PDZRN4: variants seen among roughly 807,000 people sequenced by gnomAD.
PDZRN4 encodes PDZ domain-containing RING finger protein 4.
PDZRN4 carries 70 observed loss-of-function variants against 99.0 expected under a neutral mutation model. The observed-to-expected ratio is 0.71, with a 90% CI of 0.58 to 0.86. The LOEUF is 0.86. Ranked by LOEUF, PDZRN4 falls within the 40% of genes least tolerant of loss-of-function variation. The probability of loss-of-function intolerance (pLI) is 0.00; values close to 1 mark genes in which losing one functional copy is unlikely to be tolerated. For missense variants in PDZRN4, 1,474 were observed against 1,331.2 expected (o/e 1.11, Z -1.67); for synonymous variants, 551 against 501.6 (o/e 1.10, Z -1.32).
At chr12:41,564,245 C>T (rs1252898273) in intron 8 of PDZRN4, among the ~76,000 whole-genome samples, 3 of 152,118 alleles carry the variant, frequency 2.0e-5, no homozygotes, top group African/African-American at 7.2e-5. Context: ...TGAATTGTTT[C>T]CAAGTTTAGT....
At chr12:41,507,199 G>A (rs922553736) in intron 4 of PDZRN4, among the ~76,000 whole-genome samples, 4 of 152,024 alleles carry the variant, frequency 2.6e-5, no homozygotes, top group African/African-American at 7.2e-5. Context: ...ATTCTCTGAC[G>A]AAAGCACTTA....
chr12:41,536,205 TA>T (rs1938745979), intron 5 of PDZRN4, among the ~76,000 whole-genome samples: 1 of 152,216 alleles, frequency 6.6e-6, no homozygotes, highest in Non-Finnish European at 1.5e-5. Flanking sequence ...AGTAGGTGAA[TA>T]GATAAATGCA....
At chr12:41,419,759 G>C in intron 3 of PDZRN4, among the ~76,000 whole-genome samples, 1 of 152,128 alleles carries the variant, frequency 6.6e-6, no homozygotes, top group Non-Finnish European at 1.5e-5. Context: ...AGTCTATATC[G>C]GTTCAAATTG....
intron 3 of PDZRN4, among the ~76,000 whole-genome samples, chr12:41,214,072 G>T (rs1950904796): frequency 6.6e-6 from 1 of 151,786 alleles, no homozygotes; most frequent in African/African-American, 2.4e-5. Flanking sequence ...ACTGCAGCTT[G>T]ATCAGAGACG....
At chr12:41,334,180 G>A (rs948695633) in intron 3 of PDZRN4, among the ~76,000 whole-genome samples, 5 of 151,992 alleles carry the variant, frequency 3.3e-5, no homozygotes, top group Admixed American at 1.3e-4. Flanking sequence ...CTATAACAAG[G>A]TCTTTGCTGG....
chr12:41,549,571 T>C (rs1939018195), intron 5 of PDZRN4, among the ~76,000 whole-genome samples: 1 of 152,156 alleles, frequency 6.6e-6, no homozygotes, highest in Non-Finnish European at 1.5e-5. Flanking sequence ...GTTTGCAGGT[T>C]CCAGAAAAAT....
rs368843988 is a variant in PDZRN4 at position 41,321,667 on chromosome 12, G to A, written c.843+127479G>A. ...TTGTTTGTTTTGGTTTTGGTTTTTTGGATGGAGTCTGATCAGTCTTAATCA... is the reference window on the plus strand; with the variant it reads ...TTGTTTGTTTTGGTTTTGGTTTTTTAGATGGAGTCTGATCAGTCTTAATCA... On this transcript the variant is annotated intron_variant, in intron 3 of 9. Transcript: ENST00000402685. Among the ~76,000 whole-genome samples, 7 of 152,052 alleles carry A rather than the reference G, an allele frequency of 4.6e-5. No homozygotes were observed. The Middle Eastern group carries it at 0.01, about 222-fold the overall frequency.
intron 3 of PDZRN4, among the ~76,000 whole-genome samples, chr12:41,197,326 T>C (rs551619963): frequency 6.6e-6 from 1 of 152,262 alleles, no homozygotes; most frequent in African/African-American, 2.4e-5. Context: ...TAGTAACACG[T>C]ATTATTTTTT....
At chr12:41,494,773 G>A (rs1330512207) in intron 3 of PDZRN4, among the ~76,000 whole-genome samples, 1 of 152,124 alleles carries the variant, frequency 6.6e-6, no homozygotes, top group Non-Finnish European at 1.5e-5. Context: ...CCTTTCTACT[G>A]TGATTTCATG....
At chr12:41,420,242 T>C (rs998164598) in intron 3 of PDZRN4, among the ~76,000 whole-genome samples, 4 of 152,304 alleles carry the variant, frequency 2.6e-5, no homozygotes, top group South Asian at 2.1e-4. Context: ...TTGCCTTTAC[T>C]GTGCCTTTCC....
chr12:41,486,781 G>A (rs1472396113), intron 3 of PDZRN4, among the ~76,000 whole-genome samples: 2 of 152,090 alleles, frequency 1.3e-5, no homozygotes, highest in African/African-American at 4.8e-5. Flanking sequence ...AGTGGCCTAG[G>A]TGTCCGATTC....
intron 3 of PDZRN4, among the ~76,000 whole-genome samples, chr12:41,396,681 C>T (rs1194832460): frequency 6.6e-6 from 1 of 152,154 alleles, no homozygotes; most frequent in Non-Finnish European, 1.5e-5. Context: ...CCAAGATCCA[C>T]TTCCAATCAC....
chr12:41,210,083 T>A (rs1950878138), intron 3 of PDZRN4, among the ~76,000 whole-genome samples: 1 of 152,148 alleles, frequency 6.6e-6, no homozygotes, highest in South Asian at 2.1e-4. Context: ...TGATTTGCAT[T>A]TCTCTGATGG....
intron 3 of PDZRN4, among the ~76,000 whole-genome samples, chr12:41,285,941 G>T (rs1223841060): frequency 6.6e-6 from 1 of 152,056 alleles, no homozygotes; most frequent in Non-Finnish European, 1.5e-5. Flanking sequence ...CATGGCACAT[G>T]TATACCTACA....
At chr12:41,396,921 T>G (rs1398271553) in intron 3 of PDZRN4, among the ~76,000 whole-genome samples, 1 of 152,158 alleles carries the variant, frequency 6.6e-6, no homozygotes, top group Non-Finnish European at 1.5e-5. Context: ...ATGTCGGGTA[T>G]TCAAGAGTGA....
At chr12:41,420,672 G>A (rs1440116777) in intron 3 of PDZRN4, among the ~76,000 whole-genome samples, 1 of 151,998 alleles carries the variant, frequency 6.6e-6, no homozygotes, top group Non-Finnish European at 1.5e-5. Flanking sequence ...CTTAACTCTT[G>A]TCTTTATTCT....
chr12:41,320,906 T>G (rs61926665), intron 3 of PDZRN4, among the ~76,000 whole-genome samples: 12,552 of 152,224 alleles, frequency 0.082, 579 homozygotes, highest in South Asian at 0.12. Flanking sequence ...GGTAACAATT[T>G]TATGTAATTT....
At chr12:41,261,900 C>T (rs1951242568) in intron 3 of PDZRN4, among the ~76,000 whole-genome samples, 1 of 152,148 alleles carries the variant, frequency 6.6e-6, no homozygotes. Flanking sequence ...CTTATGCTGG[C>T]AGATCCATGC....
chr12:41,274,828 C>T (rs1470413661), intron 3 of PDZRN4, among the ~76,000 whole-genome samples: 1 of 152,256 alleles, frequency 6.6e-6, no homozygotes, highest in East Asian at 1.9e-4. Context: ...TAATTCCCTT[C>T]CTGTTTACTG....
Sources: gnomAD v4.1 joint callset for allele counts (sites outside exome capture counted in the v4.1 genomes callset) on GRCh38, gnomAD v4.1.1 for gene constraint, MANE v1.5 for transcripts, NCBI Gene and HGNC (gene_info 2026-07-23, HGNC 2026-07-21) for gene names.